DLG5: variants seen among roughly 807,000 people sequenced by gnomAD.
DLG5 encodes the protein discs large MAGUK scaffold protein 5.
In DLG5, 48 loss-of-function variants were observed where a neutral mutation model predicts 189.8. The observed-to-expected ratio is 0.25, with a 90% CI of 0.20 to 0.32. The LOEUF (loss-of-function observed/expected upper bound fraction) is 0.32. Among genes scored for constraint, DLG5 ranks in the 10% least tolerant of loss-of-function variants. The probability of loss-of-function intolerance (pLI) is 1.00; values close to 1 mark genes in which losing one functional copy is unlikely to be tolerated. For synonymous variants in DLG5, 1,016 were observed against 1,054.1 expected (o/e 0.96, Z 0.70); for missense variants, 2,160 against 2,544.7 (o/e 0.85, Z 3.25).
chr10:77,880,593 A>C (rs1044090941), intron 1 of DLG5, among the ~76,000 whole-genome samples: 1 of 152,162 alleles, frequency 6.6e-6, no homozygotes. Context: ...CTCCTGATCA[A>C]GCTGAATCTG....
intron 1 of DLG5, among the ~76,000 whole-genome samples, chr10:77,909,929 G>A (rs562844832): frequency 9.2e-5 from 14 of 152,156 alleles, no homozygotes; most frequent in African/African-American, 2.6e-4. Context: ...CAAGAGGCCC[G>A]GTGGCCTCAT....
chr10:77,918,789 C>A (rs554045601), intron 1 of DLG5, among the ~76,000 whole-genome samples: 1 of 152,210 alleles, frequency 6.6e-6, no homozygotes, highest in South Asian at 2.1e-4. Flanking sequence ...CAGGCCAACA[C>A]GCAGCTCAGC....
chr10:77,826,775 C>T (rs539044563), intron 13 of DLG5, among the ~76,000 whole-genome samples: 1 of 152,288 alleles, frequency 6.6e-6, no homozygotes, highest in South Asian at 2.1e-4. Context: ...TGGCGAAACC[C>T]CGTCTCTACT....
chr10:77,806,842 T>G lies in DLG5; in HGVS notation c.4883A>C (p.Gln1628Pro). The G allele has an allele frequency of 6.2e-7, 1 of 1,614,010 alleles. No individual in the cohort carries two copies. The highest frequency in any genetic ancestry group is 8.5e-7 in the Non-Finnish European group (1 of 1,179,988). ...DILYVDDTLP[Q>P]GTFGSWMAWQ... ...AGCCATCCAGGACCCGAACGTGCCCTGGGGTAAGGTGTCATCCACGTAGAG... is the reference window on the plus strand; with the variant it reads ...AGCCATCCAGGACCCGAACGTGCCCGGGGGTAAGGTGTCATCCACGTAGAG... The change falls in exon 26 of 32, where the codon CAG becomes CCG. Residue 1628 changes from glutamine to proline, a missense_variant. This residue lies in a region of DLG5 where 574 missense variants were observed against 644.2 expected (regional missense o/e 0.89). Coordinates refer to ENST00000372391, the MANE Select transcript of DLG5 (RefSeq NM_004747.4).
intron 2 of DLG5, among the ~76,000 whole-genome samples, chr10:77,860,381 T>C (rs922341305): frequency 6.6e-5 from 10 of 152,196 alleles, no homozygotes; most frequent in Admixed American, 6.5e-4. Context: ...CACCGCAACC[T>C]CCACCTCCTG....
chr10:77,834,655 G>A (rs1006545777), intron 8 of DLG5, among the ~76,000 whole-genome samples: 14 of 152,100 alleles, frequency 9.2e-5, no homozygotes, highest in Admixed American at 2.0e-4. Flanking sequence ...GAGGGGCCTG[G>A]GCTCTGTGCC....
Position 77,869,213 on chromosome 10 carries a change from A to C in DLG5, c.305-16T>G. ...TAGGTAGAACCTGGGGAAAGAGGGG[A>C]GACCATGTTACTAACCCCAAGGGGT... On this transcript the variant is annotated splice_polypyrimidine_tract_variant and intron_variant, in intron 1 of 31. Coordinates refer to ENST00000372391, the MANE Select transcript of DLG5 (RefSeq NM_004747.4). 1 of 1,612,974 alleles carries C rather than the reference A, an allele frequency of 6.2e-7. No individual in the cohort carries two copies. Among genetic ancestry groups the C allele is most frequent in the Non-Finnish European group, 8.5e-7 (1 of 1,179,300 alleles).
intron 1 of DLG5, among the ~76,000 whole-genome samples, chr10:77,894,083 T>C (rs866436705): frequency 1.3e-5 from 2 of 152,252 alleles, no homozygotes; most frequent in Admixed American, 6.5e-5. Context: ...CTGGTGGTTT[T>C]AGATCTCTAT....
chr10:77,847,144 C>T (rs566412033), intron 5 of DLG5, among the ~76,000 whole-genome samples: 4 of 152,274 alleles, frequency 2.6e-5, no homozygotes, highest in Admixed American at 1.3e-4. Context: ...ATTCCCAGTG[C>T]GACAGGGTGG....
At chr10:77,883,341 C>T (rs1409155622) in intron 1 of DLG5, among the ~76,000 whole-genome samples, 1 of 152,052 alleles carries the variant, frequency 6.6e-6, no homozygotes, top group Non-Finnish European at 1.5e-5. Context: ...GAAGGTGACA[C>T]AGTTAACAGA....
chr10:77,795,978 G>C, intron 29 of DLG5, 83 bp downstream of exon 29: 1 of 1,594,380 alleles, frequency 6.3e-7, no homozygotes, highest in Non-Finnish European at 8.6e-7. Flanking sequence ...CGCTGGGGCA[G>C]AGGATCACGG....
intron 1 of DLG5, among the ~76,000 whole-genome samples, chr10:77,888,220 T>C (rs550707691): frequency 6.6e-6 from 1 of 152,288 alleles, no homozygotes; most frequent in East Asian, 1.9e-4. Context: ...AAATGCAAAG[T>C]GCAGGGAGAG....
At position 77,833,937 on chromosome 10, in the gene DLG5, G is replaced by C; in HGVS notation, c.1725C>G (p.Val575=). ...ACTTGAGCTCCTTCAGCTCGCGGCT[G>C]ACATCATTCTTCTGCTTGCGGGTGT... ...LDDTRKQKND[V]SRELKELKEQ... is the part of the protein sequence containing the mutation. Residue 575 remains valine, a synonymous_variant, in exon 9 of 32, where the codon GTC becomes GTG. Transcript: ENST00000372391. 1 of 1,606,740 alleles carries C rather than the reference G, an allele frequency of 6.2e-7. No individual in the cohort carries two copies.
chr10:77,853,183 A>G (rs1243161230), intron 5 of DLG5, among the ~76,000 whole-genome samples, 171 bp downstream of exon 5: 1 of 145,340 alleles, frequency 6.9e-6, no homozygotes, highest in African/African-American at 2.6e-5. Context: ...GGATCTTGCC[A>G]TGTTGCCCAG....
At chr10:77,874,004 C>T (rs543081144) in intron 1 of DLG5, among the ~76,000 whole-genome samples, 1 of 152,236 alleles carries the variant, frequency 6.6e-6, no homozygotes, top group Non-Finnish European at 1.5e-5. Context: ...CACTGAGGAA[C>T]CACAGCCTGA....
intron 20 of DLG5, 87 bp from the exon 21 acceptor site, chr10:77,812,464 G>T: frequency 6.7e-7 from 1 of 1,486,594 alleles, no homozygotes; most frequent in South Asian, 1.3e-5. Context: ...CATATGATCT[G>T]ACAGTGCAGA....
At position 77,838,861 on chromosome 10, in the gene DLG5, T is replaced by C. The variant is rs556486652; in HGVS notation, c.1438-2939A>G. On this transcript the variant is annotated intron_variant, in intron 7 of 31. Coordinates refer to ENST00000372391, the MANE Select transcript of DLG5 (RefSeq NM_004747.4). ...CCGGTGGAGAGTGCTCTCTTATCCA[T>C]GAAGCCAGACCAACTTGAGAAGGAG... Among the ~76,000 whole-genome samples, 158 of 152,326 alleles carry C rather than the reference T, an allele frequency of 1.0e-3. 1 individual carries two copies. Among genetic ancestry groups the C allele is most frequent in the Non-Finnish European group, 1.5e-3 (100 of 68,038 alleles).
At chr10:77,877,602 T>C (rs568835110) in intron 1 of DLG5, among the ~76,000 whole-genome samples, 1 of 152,192 alleles carries the variant, frequency 6.6e-6, no homozygotes, top group African/African-American at 2.4e-5. Flanking sequence ...CCTAAGACCA[T>C]CAAACCTGAC....
At position 77,811,999 on chromosome 10, in the gene DLG5, T is replaced by C; in HGVS notation, c.4247A>G (p.Gln1416Arg). ...CAGGATGGTGATGGTATCACACTGC[T>C]GCCCGATGATGAGCCGCGCCTGCTG... is the stretch of plus-strand genomic sequence containing the variant. Reference protein sequence around the residue: ...TEQQARLIIGQQCDTITILAQ... With the variant: ...TEQQARLIIGRQCDTITILAQ... The change falls in exon 22 of 32, where the codon CAG becomes CGG. Residue 1416 changes from glutamine to arginine, a missense_variant. Physicochemically the swap from Gln to Arg is conservative, Grantham distance 43. This residue lies in a region of DLG5 where 61 missense variants were observed against 101.0 expected (regional missense o/e 0.60). Coordinates refer to ENST00000372391, the MANE Select transcript of DLG5 (RefSeq NM_004747.4). 6.2e-7 allele frequency: 1 copy of C among 1,611,240 alleles called. No individual in the cohort carries two copies. Among genetic ancestry groups the C allele is most frequent in the Non-Finnish European group, 8.5e-7 (1 of 1,180,004 alleles).
Sources: allele counts gnomAD v4.1 joint callset (sites outside exome capture counted in the v4.1 genomes callset), GRCh38; gene constraint gnomAD v4.1.1; regional missense constraint gnomAD v4.1.1; transcripts MANE v1.5; gene names NCBI Gene and HGNC (gene_info 2026-07-23, HGNC 2026-07-21).